The following SGCZ variants were observed in gnomAD, a reference collection of about 807,000 sequenced individuals.
SGCZ encodes sarcoglycan zeta.
In SGCZ, 40 loss-of-function variants were observed where a neutral mutation model predicts 41.3. The observed-to-expected ratio is 0.97, with a 90% CI of 0.75 to 1.26. The LOEUF (loss-of-function observed/expected upper bound fraction) is 1.26. Among genes scored for constraint, SGCZ ranks in the 50% most tolerant of loss-of-function variants. SGCZ has a pLI of 0.00. For missense variants in SGCZ, 552 were observed against 369.8 expected, an observed-to-expected ratio of 1.49 and a Z score of -4.04; for synonymous variants, 206 against 137.5, an observed-to-expected ratio of 1.50 and a Z score of -3.49.
chr8:15,074,831 A>G lies in SGCZ; in HGVS notation c.39+162754T>C, dbSNP rs77563679. 2.7e-3 allele frequency among the ~76,000 whole-genome samples: 418 copies of G among 152,178 alleles called. 4 individuals are homozygous for G. Among genetic ancestry groups the G allele is most frequent in the African/African-American group, 9.7e-3 (402 of 41,508 alleles). On this transcript the variant is annotated intron_variant, in intron 1 of 7. Coordinates refer to ENST00000382080, the MANE Select transcript of SGCZ (RefSeq NM_139167.4). ...TCTTTCCTAACAGAATTAAGACATC[A>G]TCTTATGCAGTCACTCACCCCCAGT...
At chr8:14,364,990 T>G (rs1803645906) in intron 2 of SGCZ, among the ~76,000 whole-genome samples, 1 of 152,230 alleles carries the variant, frequency 6.6e-6, no homozygotes, top group South Asian at 2.1e-4. Context: ...ATCAGATTTG[T>G]TTTTATATCC....
In SGCZ at chr8:15,232,682, T is replaced by TATATATGTGTGTATATATATAC. The variant is rs1563198227; in HGVS notation, c.39+4902_39+4903insGTATATATATACACACATATAT. On this transcript the variant is annotated intron_variant, in intron 1 of 7. Coordinates refer to ENST00000382080, the MANE Select transcript of SGCZ (RefSeq NM_139167.4). ...ATACATATATATGTGTGTGTATATATATATATATGTGTGTATATATATACA... is the reference window on the plus strand; with the variant it reads ...ATACATATATATGTGTGTGTATATATATATATGTGTGTATATATATACATATATATGTGTGTATATATATACA... 1.0e-4 allele frequency among the ~76,000 whole-genome samples: 12 copies of TATATATGTGTGTATATATATAC among 114,692 alleles called. 1 individual carries two copies. Among genetic ancestry groups the TATATATGTGTGTATATATATAC allele is most frequent in the Non-Finnish European group, 1.8e-4 (10 of 54,826 alleles). The allele number at this position is 114,692 out of a possible 152,430, so 75.2% of individuals were successfully genotyped here.
chr8:15,090,641 G>C (rs1806123045), intron 1 of SGCZ, among the ~76,000 whole-genome samples: 1 of 152,200 alleles, frequency 6.6e-6, no homozygotes, highest in South Asian at 2.1e-4. Context: ...GATTAATCAA[G>C]ACTTCCATCT....
At position 15,237,577 on chromosome 8, in the gene SGCZ, G is replaced by A. The variant is rs1175010906; in HGVS notation, c.39+8C>T. On this transcript the variant is annotated splice_region_variant and intron_variant, in intron 1 of 7. Transcript: ENST00000382080. ...GCGGCCGCGAAGCCCGCCCGGACCC[G>A]CACGTACCTTGAGCTCCTCAATGTC... 6.3e-7 allele frequency: 1 copy of A among 1,587,732 alleles called. No individual in the cohort carries two copies. The highest frequency in any genetic ancestry group is 1.1e-5 in the South Asian group (1 of 87,566).
chr8:14,737,251 T>C (rs964884380), intron 1 of SGCZ, among the ~76,000 whole-genome samples: 6 of 151,232 alleles, frequency 4.0e-5, no homozygotes, highest in Non-Finnish European at 7.4e-5. Context: ...GTATCCTATA[T>C]TGTTGATCAA....
intron 2 of SGCZ, among the ~76,000 whole-genome samples, chr8:14,526,841 C>T (rs1374939572): frequency 6.6e-6 from 1 of 152,082 alleles, no homozygotes; most frequent in Non-Finnish European, 1.5e-5. Flanking sequence ...ATACACAAAA[C>T]TGAGCTTCTA....
rs554236354 is a variant in SGCZ, at chr8:15,009,626, A to G, written c.39+227959T>C. On this transcript the variant is annotated intron_variant, in intron 1 of 7. Coordinates refer to ENST00000382080, the MANE Select transcript of SGCZ (RefSeq NM_139167.4). ...ACTCCAGTTAACAATCATTTTTAGC[A>G]GGTGACTGTCAATGATATCGAGAAT... is the stretch of plus-strand genomic sequence containing the variant. Among the ~76,000 whole-genome samples, 5 of 152,346 alleles carry G rather than the reference A, an allele frequency of 3.3e-5. No homozygotes were observed. In the East Asian group the frequency reaches 7.7e-4, roughly 24 times the overall value.
chr8:14,669,705 C>T lies in SGCZ; in HGVS notation c.40-114779G>A, dbSNP rs866269910. On this transcript the variant is annotated intron_variant, in intron 1 of 7. Coordinates refer to ENST00000382080, the MANE Select transcript of SGCZ (RefSeq NM_139167.4). ...TCCATTTTGTGTATACACACACACA[C>T]ACACACACACACACACACACACACA... 8.3e-3 allele frequency among the ~76,000 whole-genome samples: 1,249 copies of T among 150,224 alleles called. 13 individuals carry two copies. Among genetic ancestry groups the T allele is most frequent in the Middle Eastern group, 0.024 (7 of 288 alleles).
In SGCZ at chr8:14,112,283, T is replaced by TGGG. The variant is rs796504633; in HGVS notation, c.548-4051_548-4049dup. Among the ~76,000 whole-genome samples, 18 of 113,860 alleles carry TGGG rather than the reference T, an allele frequency of 1.6e-4. 1 individual carries two copies. Among genetic ancestry groups the TGGG allele is most frequent in the African/African-American group, 5.4e-4 (17 of 31,446 alleles). 74.7% of individuals were successfully genotyped at this position (113,860 alleles called of 152,430 possible). On this transcript the variant is annotated intron_variant, in intron 5 of 7. Coordinates refer to ENST00000382080, the MANE Select transcript of SGCZ (RefSeq NM_139167.4). ...TGAATTTTTTGAGTTTTTTTTTTTG[T>TGGG]GGGGGGGGGGTGCAAAGAAGGGAAT...
intron 1 of SGCZ, among the ~76,000 whole-genome samples, chr8:15,148,274 G>T (rs1443420138): frequency 6.6e-6 from 1 of 152,180 alleles, no homozygotes; most frequent in African/African-American, 2.4e-5. Context: ...TAGTAGTTGG[G>T]ATAAGCTGAG....
chr8:14,956,263 C>T (rs944549718), intron 1 of SGCZ, among the ~76,000 whole-genome samples: 1 of 151,954 alleles, frequency 6.6e-6, no homozygotes, highest in Admixed American at 6.6e-5. Context: ...TGGTCTTGAT[C>T]TCTTGACCTC....
At chr8:15,171,762 T>C (rs1799836752) in intron 1 of SGCZ, among the ~76,000 whole-genome samples, 1 of 152,210 alleles carries the variant, frequency 6.6e-6, no homozygotes, top group African/African-American at 2.4e-5. Flanking sequence ...ATCTCAGATG[T>C]GGTATGTGTC....
At chr8:14,098,475 T>C (rs546491667) in intron 7 of SGCZ, among the ~76,000 whole-genome samples, 77 of 152,234 alleles carry the variant, frequency 5.1e-4, no homozygotes, top group Admixed American at 9.2e-4. Context: ...ATTCCTTTTA[T>C]TGGTTGAGTG....
At chr8:14,389,499 CA>C (rs1804685162) in intron 2 of SGCZ, among the ~76,000 whole-genome samples, 2 of 146,246 alleles carry the variant, frequency 1.4e-5, no homozygotes, top group South Asian at 4.2e-4. Flanking sequence ...AATAGGCTAA[CA>C]AAAGTCATGA....
chr8:15,128,990 A>G (rs59416207), intron 1 of SGCZ, among the ~76,000 whole-genome samples: 95 of 152,218 alleles, frequency 6.2e-4, no homozygotes, highest in African/African-American at 2.1e-3. Flanking sequence ...TGTAAAAGAA[A>G]ATCTGTCTTT....
chr8:14,948,872 CTT>C (rs985881719), intron 1 of SGCZ, among the ~76,000 whole-genome samples: 2 of 68,184 alleles, frequency 2.9e-5, no homozygotes, highest in Admixed American at 1.2e-4. Context: ...CCTGTTACAG[CTT>C]TTTTCTCTCT....
At chr8:14,573,661 T>A (rs1356930423) in intron 1 of SGCZ, among the ~76,000 whole-genome samples, 1 of 152,214 alleles carries the variant, frequency 6.6e-6, no homozygotes, top group Non-Finnish European at 1.5e-5. Context: ...CAGGAGAGAC[T>A]GGTTCCCAAT....
At chr8:14,702,031 T>C (rs559079177) in intron 1 of SGCZ, among the ~76,000 whole-genome samples, 2 of 151,930 alleles carry the variant, frequency 1.3e-5, no homozygotes, top group Non-Finnish European at 2.9e-5. Context: ...TGTCTCCACC[T>C]TCTTCAGTCT....
Position 14,185,306 on chromosome 8 carries a change from G to C in SGCZ, c.425-20604C>G, listed in dbSNP as rs1405924298. On this transcript the variant is annotated intron_variant, in intron 4 of 7. Coordinates refer to ENST00000382080, the MANE Select transcript of SGCZ (RefSeq NM_139167.4). ...GTAGTCCTAGCTACTCGCAGGCTGAGGGAGAAGAATAGCTTGAACCAGGGA... is the reference window on the plus strand; with the variant it reads ...GTAGTCCTAGCTACTCGCAGGCTGACGGAGAAGAATAGCTTGAACCAGGGA... Among the ~76,000 whole-genome samples the C allele has an allele frequency of 2.6e-5, 4 of 152,076 alleles. No homozygotes were observed. The South Asian group carries it at 6.2e-4, about 24-fold the overall frequency.
Sources: gnomAD v4.1 joint callset for allele counts (sites outside exome capture counted in the v4.1 genomes callset) on GRCh38, gnomAD v4.1.1 for gene constraint, MANE v1.5 for transcripts, NCBI Gene and HGNC (gene_info 2026-07-23, HGNC 2026-07-21) for gene names.